CCNT1: variants seen among roughly 807,000 people sequenced by gnomAD.
The protein encoded by CCNT1 is cyclin T1.
CCNT1 carries 18 observed loss-of-function variants against 67.3 expected under a neutral mutation model. That is an observed-to-expected ratio of 0.27 (90% CI 0.18 to 0.40). The LOEUF (loss-of-function observed/expected upper bound fraction) is 0.40. Ranked by LOEUF, CCNT1 falls within the 10% of genes least tolerant of loss-of-function variation. The pLI, the probability that CCNT1 is intolerant of heterozygous loss-of-function variation, is 1.00. For synonymous variants in CCNT1, 333 were observed against 310.3 expected (o/e 1.07, Z -0.77); for missense variants, 744 against 884.9 (o/e 0.84, Z 2.02).
Position 48,696,019 on chromosome 12 carries a change from A to AC in CCNT1, c.685dup (p.Val229GlyfsTer8). ...CTTACCATCTAAAAGTTCCAAGGTC[A>AC]CAGTGGCGTCAACATACTCCCACCA... is the stretch of plus-strand genomic sequence containing the variant. On this transcript the variant is annotated frameshift_variant, in exon 7 of 9. Coordinates refer to ENST00000261900, the MANE Select transcript of CCNT1 (RefSeq NM_001240.4). LOFTEE classifies it high-confidence loss of function. The AC allele has an allele frequency of 6.2e-7, 1 of 1,614,162 alleles. No individual in the cohort carries two copies. The highest frequency in any genetic ancestry group is 8.5e-7 in the Non-Finnish European group (1 of 1,180,028).
rs1023725775 is a variant in CCNT1, at chr12:48,690,885, A to G, written c.*2148T>C. ...TTCAAAATCAAACCAGTGATCATCA[A>G]GTCCACAAAGATACAGATGCAGACT... On this transcript the variant is annotated 3_prime_UTR_variant, in exon 9 of 9. Coordinates refer to ENST00000261900, the MANE Select transcript of CCNT1 (RefSeq NM_001240.4). 1 of 152,240 alleles carries G rather than the reference A, an allele frequency of 6.6e-6. No homozygotes were observed. The highest frequency in any genetic ancestry group is 2.4e-5 in the African/African-American group (1 of 41,470). The allele number at this position is 152,240 out of a possible 1,614,324, so 9.4% of individuals were successfully genotyped here. A position where few individuals can be genotyped will look rare whatever the true frequency, so the allele number is the denominator to read the frequency against.
At chr12:48,708,107 T>A (rs1033840901) in intron 2 of CCNT1, among the ~76,000 whole-genome samples, 5 of 151,866 alleles carry the variant, frequency 3.3e-5, no homozygotes, top group Admixed American at 3.3e-4. Flanking sequence ...AATTTAGGCA[T>A]TAGGACATAA....
intron 2 of CCNT1, among the ~76,000 whole-genome samples, chr12:48,713,838 C>T (rs1228515911): frequency 6.6e-6 from 1 of 152,120 alleles, no homozygotes; most frequent in East Asian, 1.9e-4. Flanking sequence ...CATGATTTCC[C>T]CTTTAATGTT....
At chr12:48,709,873 TATA>T (rs1370301731) in intron 2 of CCNT1, among the ~76,000 whole-genome samples, 1 of 152,030 alleles carries the variant, frequency 6.6e-6, no homozygotes, top group Non-Finnish European at 1.5e-5. Flanking sequence ...GGGAATTTAT[TATA>T]ATATCTTTGG....
intron 5 of CCNT1, among the ~76,000 whole-genome samples, chr12:48,699,380 G>C (rs1283696961): frequency 1.3e-5 from 2 of 152,044 alleles, no homozygotes; most frequent in African/African-American, 4.8e-5. Flanking sequence ...TGTTAAATTA[G>C]AATTAAAAAG....
chr12:48,691,401 AAAACAAACTCAAAT>A lies in CCNT1; in HGVS notation c.*1618_*1631del, dbSNP rs1287890185. On this transcript the variant is annotated 3_prime_UTR_variant, in exon 9 of 9. Coordinates refer to ENST00000261900, the MANE Select transcript of CCNT1 (RefSeq NM_001240.4). ...TGAAGTAAGCTGCAATCAAATCATG[AAAACAAACTCAAAT>A]TGAACCACCTTTTCCAGAGCAAAAA... The A allele has an allele frequency of 6.6e-6, 1 of 152,212 alleles. No homozygotes were observed. Among genetic ancestry groups the A allele is most frequent in the African/African-American group, 2.4e-5 (1 of 41,456 alleles). 9.4% of individuals were successfully genotyped at this position (152,212 alleles called of 1,614,324 possible).
chr12:48,715,958 A>T (rs1940526750), intron 1 of CCNT1, among the ~76,000 whole-genome samples: 1 of 152,252 alleles, frequency 6.6e-6, no homozygotes, highest in Admixed American at 6.5e-5. Context: ...TGGACACAGA[A>T]TCAAACACAA....
At chr12:48,705,680 T>C (rs1940345764) in intron 3 of CCNT1, 88 bp downstream of exon 3, 1 of 1,007,284 alleles carries the variant, frequency 9.9e-7, no homozygotes, top group Non-Finnish European at 1.5e-6. Flanking sequence ...TGCATTGAAA[T>C]ACATAAAGAT....
intron 2 of CCNT1, among the ~76,000 whole-genome samples, chr12:48,712,579 TAAAAAAAAAAAAAAATAAAAA>T (rs1427570598): frequency 3.6e-4 from 12 of 32,924 alleles, no homozygotes; most frequent in Non-Finnish European, 3.9e-4. Flanking sequence ...ATCTTTTCCT[TAAAAAAAAAAAAAAATAAAAA>T]AAAAAAAAAA....
Position 48,693,623 on chromosome 12 carries a change from A to T in CCNT1, c.1591T>A (p.Ser531Thr), listed in dbSNP as rs1446054365. ...HNHHSHKHSH[S>T]QLPVGTGNKR... ...TTCCCAGTACCAACTGGAAGTTGGG[A>T]ATGAGAGTGCTTGTGTGAGTGGTGA... Residue 531 changes from serine (S) to threonine (T), a missense_variant, in exon 9 of 9, where the codon TCC becomes ACC. Physicochemically the swap from Ser to Thr is moderately conservative, Grantham distance 58 (BLOSUM62 1). This residue lies in a region of CCNT1 where 564 missense variants were observed against 574.2 expected (regional missense o/e 0.98). Transcript: ENST00000261900. 3 of 1,614,006 alleles carry T rather than the reference A, an allele frequency of 1.9e-6. No individual in the cohort carries two copies. Among genetic ancestry groups the T allele is most frequent in the Admixed American group, 3.3e-5 (2 of 59,998 alleles).
At chr12:48,704,217 A>G (rs2137235559) in intron 3 of CCNT1, among the ~76,000 whole-genome samples, 1 of 152,348 alleles carries the variant, frequency 6.6e-6, no homozygotes, top group African/African-American at 2.4e-5. Flanking sequence ...TCAGTTGTCT[A>G]TATAACAGGG....
At chr12:48,697,602 C>T (rs773225477) in intron 6 of CCNT1, among the ~76,000 whole-genome samples, 3 of 145,666 alleles carry the variant, frequency 2.1e-5, no homozygotes, top group East Asian at 2.0e-4. Flanking sequence ...GGGCAGATCA[C>T]GAGGTCAGGA....
intron 2 of CCNT1, among the ~76,000 whole-genome samples, chr12:48,711,705 CAG>C (rs10568297): frequency 0.065 from 9,871 of 152,246 alleles, 430 homozygotes; most frequent in Non-Finnish European, 0.094. Flanking sequence ...TCCTTGCAAT[CAG>C]AGCCAGAGCA....
Position 48,696,027 on chromosome 12 carries a change from G to A in CCNT1, c.678C>T (p.Asp226=), listed in dbSNP as rs773282427. The A allele has an allele frequency of 2.5e-5, 41 of 1,613,884 alleles. No individual in the cohort carries two copies. The highest frequency in any genetic ancestry group is 3.1e-5 in the Non-Finnish European group (37 of 1,180,002). ...TDGKHWWEYV[D]ATVTLELLDE... ...CTAAAAGTTCCAAGGTCACAGTGGC[G>A]TCAACATACTCCCACCAGTGCTTCC... The change falls in exon 7 of 9, where the codon GAC becomes GAT. Residue 226 remains aspartate, a synonymous_variant. Coordinates refer to ENST00000261900, the MANE Select transcript of CCNT1 (RefSeq NM_001240.4).
At chr12:48,711,508 C>A (rs1282944421) in intron 2 of CCNT1, among the ~76,000 whole-genome samples, 1 of 151,976 alleles carries the variant, frequency 6.6e-6, no homozygotes, top group Non-Finnish European at 1.5e-5. Flanking sequence ...TCACTTCACC[C>A]CAAATTTCAA....
chr12:48,693,489 T>G lies in CCNT1; in HGVS notation c.1725A>C (p.Gly575=). 1 of 1,614,044 alleles carries G rather than the reference T, an allele frequency of 6.2e-7. No homozygotes were observed. The highest frequency in any genetic ancestry group is 8.5e-7 in the Non-Finnish European group (1 of 1,180,012). Reference sequence around the variant, plus strand: ...CAGCCCCTCCAGTCTCTTCAGAGGGTCCCCTTTTACGAGTAGAACTGGAAG... The same window carrying G: ...CAGCCCCTCCAGTCTCTTCAGAGGGGCCCCTTTTACGAGTAGAACTGGAAG... ...FSSSSSTRKR[G]PSEETGGAVF... Residue 575 remains glycine, a synonymous_variant, in exon 9 of 9, where the codon GGA becomes GGC. Coordinates refer to ENST00000261900, the MANE Select transcript of CCNT1 (RefSeq NM_001240.4).
At chr12:48,710,806 A>G (rs779374608) in intron 2 of CCNT1, among the ~76,000 whole-genome samples, 3 of 152,180 alleles carry the variant, frequency 2.0e-5, no homozygotes, top group Admixed American at 6.5e-5. Context: ...GCTCATGGCT[A>G]TAATTCCAGC....
At chr12:48,696,512 A>C (rs1940171518) in intron 6 of CCNT1, among the ~76,000 whole-genome samples, 1 of 152,114 alleles carries the variant, frequency 6.6e-6, no homozygotes, top group Non-Finnish European at 1.5e-5. Context: ...CCTAGAAGTC[A>C]ATATTTATTA....
At position 48,693,936 on chromosome 12, in the gene CCNT1, A is replaced by C. The variant is rs763989714; in HGVS notation, c.1278T>G (p.Leu426=). 1 of 1,614,164 alleles carries C rather than the reference A, an allele frequency of 6.2e-7. No homozygotes were observed. The highest frequency in any genetic ancestry group is 1.1e-5 in the South Asian group (1 of 91,084). ...CTGAAGAATGGCTATCATGATGAGA[A>C]AGGAGATTCTGGGCAGCATATGCAT... is the stretch of plus-strand genomic sequence containing the variant. The part of the protein sequence containing the change: ...SQYAYAAQNL[L]SHHDSHSSVI... Residue 426 remains leucine, a synonymous_variant, in exon 9 of 9, where the codon CTT becomes CTG. Transcript: ENST00000261900.
Sources: gnomAD v4.1 joint callset for allele counts (sites outside exome capture counted in the v4.1 genomes callset) on GRCh38, gnomAD v4.1.1 for gene constraint, gnomAD v4.1.1 regional missense constraint, MANE v1.5 for transcripts, NCBI Gene and HGNC (gene_info 2026-07-23, HGNC 2026-07-21) for gene names.